Variants in CLECL1 observed in about 807,000 individuals in gnomAD.
The protein encoded by CLECL1 is C-type lectin-like domain family 1.
At chr12:9,723,228 G>A (rs1395205012) in intron 3 of CLECL1, among the ~76,000 whole-genome samples, 1 of 152,146 alleles carries the variant, frequency 6.6e-6, no homozygotes, top group Non-Finnish European at 1.5e-5. Flanking sequence ...TTATTCACAA[G>A]CAAAATTTGT....
downstream of CLECL1, among the ~76,000 whole-genome samples, chr12:9,721,947 C>T (rs981209063): frequency 1.3e-5 from 2 of 152,070 alleles, no homozygotes; most frequent in East Asian, 1.9e-4. Flanking sequence ...GACTTTTTCC[C>T]TCAGATGTCT....
intron 1 of CLECL1, among the ~76,000 whole-genome samples, chr12:9,731,894 A>G (rs1456044199): frequency 1.3e-5 from 2 of 152,230 alleles, no homozygotes; most frequent in African/African-American, 4.8e-5. Flanking sequence ...AACCTCTAGA[A>G]AAAGAAACTA....
the CLECL1 span, among the ~76,000 whole-genome samples, chr12:9,704,513 A>G: frequency 6.6e-6 from 1 of 152,160 alleles, no homozygotes; most frequent in African/African-American, 2.4e-5. Context: ...TTTATCACTC[A>G]AGTATTATGC....
downstream of CLECL1, among the ~76,000 whole-genome samples, chr12:9,721,099 C>G (rs1866304251): frequency 6.6e-6 from 1 of 152,048 alleles, no homozygotes; most frequent in Non-Finnish European, 1.5e-5. Flanking sequence ...CACACATCTC[C>G]CTTACTTCTT....
chr12:9,705,156 G>C, the CLECL1 span, among the ~76,000 whole-genome samples: 1 of 152,152 alleles, frequency 6.6e-6, no homozygotes, highest in African/African-American at 2.4e-5. Flanking sequence ...TTTCTCTAAT[G>C]ATCAGTGATA....
upstream of CLECL1, among the ~76,000 whole-genome samples, chr12:9,733,589 A>G (rs755589912): frequency 6.6e-6 from 1 of 152,198 alleles, no homozygotes; most frequent in African/African-American, 2.4e-5. Flanking sequence ...GCTTTCCTGT[A>G]TGCTTTATAA....
chr12:9,719,204 G>A (rs998680382), downstream of CLECL1, among the ~76,000 whole-genome samples: 14 of 152,284 alleles, frequency 9.2e-5, no homozygotes, highest in Admixed American at 3.3e-4. Flanking sequence ...TGAGGGTGCC[G>A]TGGGAGGAAC....
At chr12:9,724,993 A>G (rs950426359) in intron 3 of CLECL1, among the ~76,000 whole-genome samples, 1 of 152,140 alleles carries the variant, frequency 6.6e-6, no homozygotes, top group East Asian at 1.9e-4. Context: ...ATTATAAACT[A>G]TGGGGGCTAG....
At chr12:9,731,341 T>C (rs184578364) in intron 1 of CLECL1, among the ~76,000 whole-genome samples, 1 of 152,324 alleles carries the variant, frequency 6.6e-6, no homozygotes, top group Admixed American at 6.5e-5. Context: ...TTTAGTACGG[T>C]GTGAGGTGCT....
intron 3 of CLECL1, among the ~76,000 whole-genome samples, chr12:9,723,611 T>G (rs1866341662): frequency 6.6e-6 from 1 of 152,068 alleles, no homozygotes; most frequent in Non-Finnish European, 1.5e-5. Context: ...CCATGTAGAG[T>G]GAGTAAAACA....
the CLECL1 span, among the ~76,000 whole-genome samples, chr12:9,709,558 CATT>C: frequency 7.9e-5 from 12 of 152,174 alleles, no homozygotes; most frequent in Non-Finnish European, 1.6e-4. Flanking sequence ...CTTGAAAAGA[CATT>C]ATGTTACTTT....
downstream of CLECL1, chr12:9,718,601 G>T: frequency 3.4e-6 from 2 of 589,300 alleles, no homozygotes; most frequent in Non-Finnish European, 6.0e-6. Flanking sequence ...GAATGTGACT[G>T]TATATGGAGA....
downstream of CLECL1, among the ~76,000 whole-genome samples, chr12:9,719,399 G>A (rs191995442): frequency 1.9e-4 from 29 of 152,154 alleles, no homozygotes; most frequent in Non-Finnish European, 3.1e-4. Flanking sequence ...GGTGGCGGGC[G>A]CCTGTAGTCC....
At chr12:9,717,287 A>G (rs747073211) in intron 2 of CLECL1, among the ~76,000 whole-genome samples, 4 of 152,266 alleles carry the variant, frequency 2.6e-5, no homozygotes, top group Middle Eastern at 3.4e-3. Flanking sequence ...GCACGCACCT[A>G]TAATGATGAT....
chr12:9,733,096 G>T (rs1478800959), upstream of CLECL1: 2 of 1,589,968 alleles, frequency 1.3e-6, no homozygotes, highest in African/African-American at 3.1e-5. Context: ...TCATATTTCT[G>T]CAAAGAAACT....
intron 3 of CLECL1, among the ~76,000 whole-genome samples, chr12:9,724,966 A>G (rs973179511): frequency 1.3e-5 from 2 of 152,178 alleles, no homozygotes; most frequent in African/African-American, 4.8e-5. Context: ...ACAATTATAC[A>G]AAAATCCCTC....
the CLECL1 span, among the ~76,000 whole-genome samples, chr12:9,708,363 A>T: frequency 3.3e-5 from 5 of 151,906 alleles, no homozygotes; most frequent in Admixed American, 1.3e-4. Flanking sequence ...CGGTGAAACG[A>T]CCCCTGCTGG....
chr12:9,733,724 T>A (rs189762758), upstream of CLECL1, among the ~76,000 whole-genome samples: 894 of 147,390 alleles, frequency 6.1e-3, 15 homozygotes, highest in African/African-American at 0.023. Flanking sequence ...AAGAAAAAAA[T>A]CTAATTTTAA....
downstream of CLECL1, chr12:9,722,610 G>A: frequency 6.3e-7 from 1 of 1,583,752 alleles, no homozygotes; most frequent in Middle Eastern, 1.7e-4. Flanking sequence ...TGCCAGTGTG[G>A]GGGATGCTGT....
Sources: gnomAD v4.1 joint callset for allele counts (sites outside exome capture counted in the v4.1 genomes callset) on GRCh38, gnomAD v4.1.1 for gene constraint, MANE v1.5 for transcripts, NCBI Gene and HGNC (gene_info 2026-07-23, HGNC 2026-07-21) for gene names.